The following SPATA18 variants were observed in gnomAD, a reference collection of about 807,000 sequenced individuals.
SPATA18 encodes the protein spermatogenesis associated 18, also known as mitochondria-eating protein.
Under a neutral mutation model 68.1 loss-of-function variants are expected in SPATA18, and 54 were observed. The ratio of observed to expected loss-of-function variants is 0.79; its 90% CI spans 0.64 to 0.99. The LOEUF is 0.99. Among genes scored for constraint, SPATA18 ranks in the 50% least tolerant of loss-of-function variants. SPATA18 has a pLI of 0.00. For synonymous variants in SPATA18, 242 were observed against 244.8 expected, an observed-to-expected ratio of 0.99 and a Z score of 0.11; for missense variants, 724 against 681.1, an observed-to-expected ratio of 1.06 and a Z score of -0.70.
chr4:52,083,080 C>G, intron 10 of SPATA18: 2 of 890,302 alleles, frequency 2.2e-6, no homozygotes, highest in Non-Finnish European at 2.6e-6. Context: ...ATGTTAAATA[C>G]TTGAACAGCC....
chr4:52,085,333 C>T (rs1741326665), intron 11 of SPATA18, among the ~76,000 whole-genome samples: 2 of 152,076 alleles, frequency 1.3e-5, no homozygotes, highest in South Asian at 4.1e-4. Flanking sequence ...CTGATCTTGG[C>T]ACAAGTCCCT....
At chr4:52,070,808 G>A (rs952064913) in intron 5 of SPATA18, among the ~76,000 whole-genome samples, 1 of 151,514 alleles carries the variant, frequency 6.6e-6, no homozygotes, top group African/African-American at 2.4e-5. Context: ...AATAAAAACA[G>A]CAATCTCATA....
intron 11 of SPATA18, among the ~76,000 whole-genome samples, chr4:52,085,750 C>T (rs949392250): frequency 3.3e-5 from 5 of 151,574 alleles, no homozygotes; most frequent in South Asian, 4.2e-4. Context: ...ACAAAAAATT[C>T]CCCCCCAAAT....
At position 52,051,610 on chromosome 4, in the gene SPATA18, C is replaced by T. The variant is rs1263222437; in HGVS notation, c.-95C>T. On this transcript the variant is annotated 5_prime_UTR_variant, in exon 1 of 13. Transcript: ENST00000295213. ...TCTGAGCCCCCCAGAAGAGAACACC[C>T]TTCCCGCCATATCACCCCACGGTCC... The T allele has an allele frequency of 1.7e-6, 2 of 1,175,666 alleles. No individual in the cohort carries two copies. Among genetic ancestry groups the T allele is most frequent in the Admixed American group, 3.4e-5 (2 of 58,956 alleles). 72.8% of individuals were successfully genotyped at this position (1,175,666 alleles called of 1,614,324 possible). A position where few individuals can be genotyped will look rare whatever the true frequency, so the allele number is the denominator to read the frequency against.
intron 1 of SPATA18, among the ~76,000 whole-genome samples, chr4:52,052,422 C>A (rs1014650688): frequency 6.6e-6 from 1 of 152,294 alleles, no homozygotes; most frequent in Middle Eastern, 3.4e-3. Flanking sequence ...TGTCACCAAA[C>A]CCATGAGCAC....
intron 3 of SPATA18, among the ~76,000 whole-genome samples, 184 bp downstream of exon 3, chr4:52,061,081 A>G (rs954259305): frequency 6.6e-6 from 1 of 152,208 alleles, no homozygotes; most frequent in African/African-American, 2.4e-5. Context: ...GACTAGAAAG[A>G]GCGCACATAC....
At chr4:52,081,084 T>G (rs1740881018) in intron 9 of SPATA18, among the ~76,000 whole-genome samples, 1 of 152,252 alleles carries the variant, frequency 6.6e-6, no homozygotes, top group African/African-American at 2.4e-5. Context: ...TTGGGTCTTT[T>G]TGGTTCCACA....
At chr4:52,069,947 C>T (rs774608868) in intron 5 of SPATA18, 31 bp downstream of exon 5, 1 of 1,497,916 alleles carries the variant, frequency 6.7e-7, no homozygotes. Context: ...TTATTGCAGC[C>T]TAAATCATTG....
chr4:52,081,791 G>A (rs1156788193), intron 9 of SPATA18, among the ~76,000 whole-genome samples: 2 of 150,490 alleles, frequency 1.3e-5, no homozygotes, highest in Non-Finnish European at 3.0e-5. Context: ...TCAGCTTATT[G>A]TTCCAGCCTG....
At chr4:52,056,801 C>CTG (rs1738387199) in intron 1 of SPATA18, among the ~76,000 whole-genome samples, 1 of 152,184 alleles carries the variant, frequency 6.6e-6, no homozygotes, top group Non-Finnish European at 1.5e-5. Flanking sequence ...TCTATCTGGT[C>CTG]TGCTTTTGCC....
chr4:52,083,048 T>C, intron 10 of SPATA18: 1 of 984,680 alleles, frequency 1.0e-6, no homozygotes, highest in South Asian at 4.7e-5. Flanking sequence ...CCATTGGTTA[T>C]AGAATGTTTT....
intron 11 of SPATA18, among the ~76,000 whole-genome samples, chr4:52,092,487 C>A (rs1011703601): frequency 6.6e-6 from 1 of 152,198 alleles, no homozygotes; most frequent in African/African-American, 2.4e-5. Flanking sequence ...TTTGCACTTC[C>A]CAGGTGAGGT....
Position 52,076,766 on chromosome 4 carries a change from C to T in SPATA18, c.759-13C>T, listed in dbSNP as rs1337298080. The stretch of plus-strand genomic sequence containing the variant: ...TCAAAGGATTTCCCTGGCTGATTCT[C>T]GCTCACCAACAGGTCCTCCAGGAGC... On this transcript the variant is annotated splice_polypyrimidine_tract_variant and intron_variant, in intron 6 of 12. Coordinates refer to ENST00000295213, the MANE Select transcript of SPATA18 (RefSeq NM_145263.4). 1.6e-5 allele frequency: 26 copies of T among 1,609,412 alleles called. No individual in the cohort carries two copies. The highest frequency in any genetic ancestry group is 1.3e-4 in the East Asian group (6 of 44,830).
chr4:52,091,047 AATCAC>A (rs1741896408), intron 11 of SPATA18, among the ~76,000 whole-genome samples: 1 of 151,722 alleles, frequency 6.6e-6, no homozygotes, highest in Non-Finnish European at 1.5e-5. Context: ...GTTAATCTTC[AATCAC>A]TGATATCCTT....
Position 52,082,388 on chromosome 4 carries a change from T to C in SPATA18, c.1357T>C (p.Tyr453His). 1 of 1,613,702 alleles carries C rather than the reference T, an allele frequency of 6.2e-7. No homozygotes were observed. Among genetic ancestry groups the C allele is most frequent in the Non-Finnish European group, 8.5e-7 (1 of 1,179,728 alleles). ...TCTTTTTTTGTATATTGAAAACAGA[T>C]ACCGCCGCAGCTACGACTCGGATTT... is the stretch of plus-strand genomic sequence containing the variant. ...ADGEVFNDCK[Y>H]RRSYDSDFTA... The change falls in exon 10 of 13, where the codon TAC (tyrosine) becomes CAC (histidine). Residue 453 changes from tyrosine (Y) to histidine (H), a missense_variant and splice_region_variant. Physicochemically the swap from Tyr to His is moderately conservative, Grantham distance 83. Transcript: ENST00000295213.
chr4:52,057,066 C>T (rs1428694133), intron 1 of SPATA18, among the ~76,000 whole-genome samples: 2 of 152,132 alleles, frequency 1.3e-5, no homozygotes, highest in East Asian at 3.9e-4. Flanking sequence ...GCTCCTATAG[C>T]TTGTTATCCA....
chr4:52,077,108 G>C (rs1177210211), intron 7 of SPATA18, 68 bp downstream of exon 7: 1 of 1,488,946 alleles, frequency 6.7e-7, no homozygotes, highest in Non-Finnish European at 9.0e-7. Context: ...AACGTGAATG[G>C]AACAACTTAC....
chr4:52,053,244 G>A (rs1250209016), intron 1 of SPATA18, among the ~76,000 whole-genome samples: 3 of 152,156 alleles, frequency 2.0e-5, no homozygotes, highest in South Asian at 2.1e-4. Context: ...GATGAGAAGT[G>A]CCTTAGTTTA....
At chr4:52,068,533 A>G (rs1739521340) in intron 4 of SPATA18, among the ~76,000 whole-genome samples, 2 of 152,226 alleles carry the variant, frequency 1.3e-5, no homozygotes, top group South Asian at 2.1e-4. Flanking sequence ...GTGGGCATTT[A>G]TTAGAGGAGG....
Sources: gnomAD v4.1 joint callset for allele counts (sites outside exome capture counted in the v4.1 genomes callset) on GRCh38, gnomAD v4.1.1 for gene constraint, MANE v1.5 for transcripts, NCBI Gene and HGNC (gene_info 2026-07-23, HGNC 2026-07-21) for gene names.